The following RFTN2 variants were observed in gnomAD, a reference collection of about 807,000 sequenced individuals.
RFTN2 encodes the protein raftlin family member 2.
RFTN2 carries 34 observed loss-of-function variants against 52.7 expected under a neutral mutation model. That is an observed-to-expected ratio of 0.64 (90% CI 0.49 to 0.86). RFTN2 has a LOEUF of 0.86. Among genes scored for constraint, RFTN2 ranks in the 40% least tolerant of loss-of-function variants. RFTN2 has a pLI of 0.00. For synonymous variants in RFTN2, 203 were observed against 217.7 expected (o/e 0.93, Z 0.59); for missense variants, 536 against 600.1 (o/e 0.89, Z 1.12).
At chr2:197,611,266 A>G (rs573486154) in intron 7 of RFTN2, among the ~76,000 whole-genome samples, 2 of 152,212 alleles carry the variant, frequency 1.3e-5, no homozygotes, top group East Asian at 3.9e-4. Context: ...TTGGTACGCT[A>G]TTAATTATTG....
At chr2:197,619,785 A>T (rs1009163174) in intron 5 of RFTN2, among the ~76,000 whole-genome samples, 21 of 147,876 alleles carry the variant, frequency 1.4e-4, no homozygotes, top group Admixed American at 5.4e-4. Context: ...AAATAAAATT[A>T]AAAAAAAACA....
At chr2:197,631,856 T>A (rs1436523603) in intron 4 of RFTN2, among the ~76,000 whole-genome samples, 1 of 152,200 alleles carries the variant, frequency 6.6e-6, no homozygotes, top group Non-Finnish European at 1.5e-5. Context: ...CACACCTATG[T>A]TTGTGTTTTA....
chr2:197,570,004 CTG>C lies in RFTN2; in HGVS notation c.*2002_*2003del, dbSNP rs1401662162. 1 of 149,990 alleles carries C rather than the reference CTG, an allele frequency of 6.7e-6. No individual in the cohort carries two copies. The highest frequency in any genetic ancestry group is 1.5e-5 in the Non-Finnish European group (1 of 67,508). The allele number at this position is 149,990 out of a possible 1,614,324, so 9.3% of individuals were successfully genotyped here. ...CTTAGTCAAATATAAATTCCTATCTCTGTTTTTAATTTACTACTTCCAATCCC... is the reference window on the plus strand; with the variant it reads ...CTTAGTCAAATATAAATTCCTATCTCTTTTTAATTTACTACTTCCAATCCC... On this transcript the variant is annotated 3_prime_UTR_variant, in exon 9 of 9. Coordinates refer to ENST00000295049, the MANE Select transcript of RFTN2 (RefSeq NM_144629.3).
At chr2:197,622,314 A>G (rs988289011) in intron 5 of RFTN2, among the ~76,000 whole-genome samples, 1 of 152,024 alleles carries the variant, frequency 6.6e-6, no homozygotes, top group African/African-American at 2.4e-5. Context: ...TTATTTATTT[A>G]TTTATTTTGA....
chr2:197,589,254 G>A (rs867454792), intron 8 of RFTN2, among the ~76,000 whole-genome samples: 5 of 87,922 alleles, frequency 5.7e-5, no homozygotes, highest in African/African-American at 1.6e-4. Context: ...AAAAAAAAAA[G>A]GAGTTCCCCT....
At chr2:197,604,198 C>G (rs910169437) in intron 7 of RFTN2, among the ~76,000 whole-genome samples, 3 of 152,188 alleles carry the variant, frequency 2.0e-5, no homozygotes, top group Admixed American at 6.5e-5. Context: ...TGGAAACAAT[C>G]TATTTGAAAA....
chr2:197,570,941 C>A lies in RFTN2; in HGVS notation c.*1067G>T, dbSNP rs2087306451. The A allele has an allele frequency of 6.6e-6, 1 of 152,196 alleles. No individual in the cohort carries two copies. Among genetic ancestry groups the A allele is most frequent in the Non-Finnish European group, 1.5e-5 (1 of 68,032 alleles). 9.4% of individuals were successfully genotyped at this position (152,196 alleles called of 1,614,324 possible). A position where few individuals can be genotyped will look rare whatever the true frequency, so the allele number is the denominator to read the frequency against. The stretch of plus-strand genomic sequence containing the variant: ...GTTCCATCTTTCAAAGTAAGCCTTT[C>A]ATAGATAAATGAAAATCCTTTATTT... On this transcript the variant is annotated 3_prime_UTR_variant, in exon 9 of 9. Transcript: ENST00000295049.
intron 5 of RFTN2, among the ~76,000 whole-genome samples, chr2:197,628,275 T>C (rs1305150683): frequency 1.3e-5 from 2 of 152,164 alleles, no homozygotes; most frequent in Non-Finnish European, 2.9e-5. Context: ...GGGCTTGCCA[T>C]AGCCTGCAAT....
chr2:197,665,760 T>TA (rs1007820812), intron 1 of RFTN2, among the ~76,000 whole-genome samples: 5 of 148,434 alleles, frequency 3.4e-5, no homozygotes, highest in African/African-American at 1.2e-4. Context: ...TTAATCTACT[T>TA]ACATTCAAGG....
At chr2:197,612,466 T>C (rs2088079480) in intron 7 of RFTN2, among the ~76,000 whole-genome samples, 1 of 152,250 alleles carries the variant, frequency 6.6e-6, no homozygotes, top group African/African-American at 2.4e-5. Context: ...TCCTTCTCCT[T>C]TATTTTGGTG....
chr2:197,619,466 CAT>C (rs1323639540), intron 5 of RFTN2, among the ~76,000 whole-genome samples: 5 of 152,186 alleles, frequency 3.3e-5, no homozygotes, highest in South Asian at 2.1e-4. Flanking sequence ...CTCTCTGAAA[CAT>C]GTGCTGTATC....
intron 7 of RFTN2, among the ~76,000 whole-genome samples, chr2:197,607,784 G>C (rs2087986216): frequency 6.6e-6 from 1 of 152,036 alleles, no homozygotes; most frequent in Non-Finnish European, 1.5e-5. Context: ...TTGTTTCTCA[G>C]GTATCAGTAT....
chr2:197,660,469 T>C (rs923769567), intron 1 of RFTN2, among the ~76,000 whole-genome samples: 2 of 152,218 alleles, frequency 1.3e-5, no homozygotes, highest in Non-Finnish European at 2.9e-5. Context: ...TTCATAGTAT[T>C]TTACATATTT....
Position 197,595,848 on chromosome 2 carries a change from T to G in RFTN2, c.1233+143A>C, listed in dbSNP as rs2087786153. On this transcript the variant is annotated intron_variant, in intron 8 of 8. Transcript: ENST00000295049. ...TTGGAACTATTTCATGTTGCCTGAT[T>G]GCTAGCACATTTCCCTTATAGGTTG... is the stretch of plus-strand genomic sequence containing the variant. The G allele has an allele frequency of 7.3e-6, 4 of 545,592 alleles. No homozygotes were observed. In the East Asian group the frequency reaches 1.3e-4, roughly 17 times the overall value. 33.8% of individuals were successfully genotyped at this position (545,592 alleles called of 1,614,324 possible).
chr2:197,631,310 G>C (rs1344236547), intron 4 of RFTN2, 90 bp from the exon 5 acceptor site: 2 of 909,514 alleles, frequency 2.2e-6, no homozygotes, highest in African/African-American at 3.4e-5. Context: ...GATATTCCAA[G>C]CATACAAACA....
chr2:197,628,090 G>T (rs1261649607), intron 5 of RFTN2, among the ~76,000 whole-genome samples: 7 of 151,940 alleles, frequency 4.6e-5, no homozygotes, highest in Admixed American at 4.6e-4. Flanking sequence ...TAGATGTCAG[G>T]CATCAAACAT....
chr2:197,617,916 G>A lies in RFTN2; in HGVS notation c.934C>T (p.His312Tyr). 3 of 1,602,946 alleles carry A rather than the reference G, an allele frequency of 1.9e-6. No homozygotes were observed. Among genetic ancestry groups the A allele is most frequent in the East Asian group, 2.3e-5 (1 of 44,148 alleles). Residue 312 changes from histidine to tyrosine, a missense_variant, in exon 6 of 9, where the codon CAT becomes TAT. Transcript: ENST00000295049. ...FVFWETSKGEHLPKSLEGFFI... is the reference protein window; with the variant it reads ...FVFWETSKGEYLPKSLEGFFI... The stretch of plus-strand genomic sequence containing the variant: ...AATCCTTCCAAAGATTTAGGCAAAT[G>A]TTCCCCTGTGAGGAAGAGGGTACAA...
chr2:197,665,445 G>T (rs2089038001), intron 1 of RFTN2, among the ~76,000 whole-genome samples: 1 of 142,276 alleles, frequency 7.0e-6, no homozygotes, highest in East Asian at 2.0e-4. Flanking sequence ...GTGCTCCAGT[G>T]TTGGGCGCAT....
intron 5 of RFTN2, among the ~76,000 whole-genome samples, chr2:197,625,804 GA>G (rs1302578059): frequency 1.4e-5 from 2 of 144,540 alleles, no homozygotes; most frequent in Admixed American, 7.1e-5. Context: ...TTTTGAGATG[GA>G]GTCTCACTCT....
Sources: gnomAD v4.1 joint callset for allele counts (sites outside exome capture counted in the v4.1 genomes callset) on GRCh38, gnomAD v4.1.1 for gene constraint, MANE v1.5 for transcripts, NCBI Gene and HGNC (gene_info 2026-07-23, HGNC 2026-07-21) for gene names.